The following KALRN variants were observed in gnomAD, a reference collection of about 807,000 sequenced individuals.
KALRN encodes the protein kalirin RhoGEF kinase.
A neutral mutation model predicts 353.7 loss-of-function variants in KALRN; 70 were observed. The observed-to-expected ratio is 0.20, with a 90% CI of 0.16 to 0.24. The LOEUF (loss-of-function observed/expected upper bound fraction) is 0.24. KALRN is among the 10% of genes least tolerant of loss of function. The pLI is 1.00. For missense variants in KALRN, 2,791 were observed against 3,756.7 expected (o/e 0.74, Z 6.72); for synonymous variants, 1,391 against 1,434.8 (o/e 0.97, Z 0.69).
chr3:124,252,223 C>T (rs887465851), intron 3 of KALRN, among the ~76,000 whole-genome samples: 2 of 152,152 alleles, frequency 1.3e-5, no homozygotes, highest in African/African-American at 4.8e-5. Flanking sequence ...TCGAGTCCAA[C>T]CCCAGACCAA....
chr3:124,441,766 C>T (rs190834398), intron 18 of KALRN, among the ~76,000 whole-genome samples, 179 bp from the exon 19 acceptor site: 3 of 151,280 alleles, frequency 2.0e-5, no homozygotes, highest in African/African-American at 7.3e-5. Context: ...GTGGAGACTG[C>T]GGTGAGCTAT....
Position 124,358,172 on chromosome 3 carries a change from TTTTC to T in KALRN, c.1770+10911_1770+10914del, listed in dbSNP as rs1360503969. Among the ~76,000 whole-genome samples, 6 of 152,196 alleles carry T rather than the reference TTTTC, an allele frequency of 3.9e-5. No individual in the cohort carries two copies. The East Asian group carries it at 1.2e-3, about 29-fold the overall frequency. On this transcript the variant is annotated intron_variant, in intron 10 of 59. Transcript: ENST00000682506. ...AGTGAGTTCTTTGGACTCTTTTGTA[TTTTC>T]TTTAATTAAAGAAAGCTAAAAAAAA...
chr3:124,552,937 T>C (rs927707777), intron 33 of KALRN, among the ~76,000 whole-genome samples: 2 of 152,150 alleles, frequency 1.3e-5, no homozygotes, highest in African/African-American at 4.8e-5. Context: ...GGCTAATTTT[T>C]GTATTTTTGG....
chr3:124,230,875 A>AC (rs2079079272), intron 2 of KALRN, among the ~76,000 whole-genome samples: 1 of 151,156 alleles, frequency 6.6e-6, no homozygotes, highest in African/African-American at 2.4e-5. Flanking sequence ...AAAAAAACAA[A>AC]AAAAAAACAC....
chr3:124,197,385 T>G (rs1358391047), intron 1 of KALRN, among the ~76,000 whole-genome samples: 1 of 152,220 alleles, frequency 6.6e-6, no homozygotes, highest in Admixed American at 6.5e-5. Flanking sequence ...GAAGCAAGCC[T>G]TGTGTGCTAC....
At chr3:124,267,963 G>T (rs935339844) in intron 4 of KALRN, among the ~76,000 whole-genome samples, 1 of 152,212 alleles carries the variant, frequency 6.6e-6, no homozygotes, top group Admixed American at 6.5e-5. Context: ...GGGTCACACA[G>T]TTAATAAGCA....
rs577182044 is a variant in KALRN, at chr3:124,325,411, G to T, written c.1093-569G>T. ...ACCCTGTTTGATGACCAGTGCCTCA[G>T]CTCTTTTGGCAGGGCTGAAGGAGGT... On this transcript the variant is annotated intron_variant, in intron 6 of 59. Coordinates refer to ENST00000682506, the MANE Select transcript of KALRN (RefSeq NM_001388419.1). Among the ~76,000 whole-genome samples, 12 of 152,306 alleles carry T rather than the reference G, an allele frequency of 7.9e-5. No individual in the cohort carries two copies. The South Asian group carries it at 2.1e-3, about 26-fold the overall frequency.
At chr3:124,248,132 A>G (rs192724771) in intron 3 of KALRN, among the ~76,000 whole-genome samples, 540 of 152,342 alleles carry the variant, frequency 3.5e-3, no homozygotes, top group Non-Finnish European at 5.4e-3. Flanking sequence ...ATAGGTGGTG[A>G]ACCTCTTGCA....
chr3:124,234,681 C>T, intron 2 of KALRN, 148 bp from the exon 3 acceptor site: 1 of 629,438 alleles, frequency 1.6e-6, no homozygotes, highest in Non-Finnish European at 2.8e-6. Context: ...CATCTAGACC[C>T]CCCCACCTTG....
chr3:124,287,699 A>C (rs1431888976), intron 5 of KALRN, among the ~76,000 whole-genome samples: 1 of 149,064 alleles, frequency 6.7e-6, no homozygotes, highest in Non-Finnish European at 1.5e-5. Context: ...ATTTTAAATA[A>C]AAATGCAAGT....
chr3:124,464,997 A>G (rs2060195602), intron 25 of KALRN, among the ~76,000 whole-genome samples: 1 of 152,184 alleles, frequency 6.6e-6, no homozygotes. Context: ...ACCCTGAGTC[A>G]TGAATATGTT....
At chr3:124,641,232 A>G (rs114289141) in intron 37 of KALRN, among the ~76,000 whole-genome samples, 1,739 of 152,282 alleles carry the variant, frequency 0.011, 33 homozygotes, top group African/African-American at 0.04. Flanking sequence ...CCACCCACCC[A>G]TGAGTCCTTC....
intron 37 of KALRN, among the ~76,000 whole-genome samples, chr3:124,642,620 T>TTG (rs888195023): frequency 1.1e-4 from 16 of 152,086 alleles, no homozygotes; most frequent in Non-Finnish European, 2.2e-4. Context: ...CAGGCTGTAT[T>TTG]TGTGTGTGTG....
At chr3:124,649,132 G>A (rs954344440) in intron 37 of KALRN, among the ~76,000 whole-genome samples, 6 of 152,142 alleles carry the variant, frequency 3.9e-5, no homozygotes, top group Non-Finnish European at 1.5e-5. Flanking sequence ...TGGGGGAATG[G>A]AAGGTTTGAT....
At chr3:124,670,102 C>G (rs1394605627) in intron 47 of KALRN, among the ~76,000 whole-genome samples, 2 of 152,134 alleles carry the variant, frequency 1.3e-5, no homozygotes, top group African/African-American at 4.8e-5. Context: ...TCCTGAGAAG[C>G]TGGGATTACA....
chr3:124,413,527 A>T lies in KALRN; in HGVS notation c.2404A>T (p.Asn802Tyr). 6.2e-7 allele frequency: 1 copy of T among 1,614,188 alleles called. No individual in the cohort carries two copies. ...EDLLRQMNDF[N>Y]TEDLTLAEQR... ...CTTGCTTCGGCAGATGAATGACTTC[A>T]ACACAGAGGACCTAACCCTGGCAGA... The change falls in exon 14 of 60, where the codon AAC (asparagine) becomes TAC (tyrosine). Residue 802 changes from asparagine to tyrosine, a missense_variant. This residue lies in a region of KALRN where 452 missense variants were observed against 575.8 expected (regional missense o/e 0.78). Transcript: ENST00000682506.
chr3:124,325,914 C>G, intron 6 of KALRN, 66 bp from the exon 7 acceptor site: 1 of 1,358,914 alleles, frequency 7.4e-7, no homozygotes, highest in Non-Finnish European at 1.0e-6. Flanking sequence ...AAATATGTAC[C>G]CCACGAAAGT....
intron 17 of KALRN, among the ~76,000 whole-genome samples, chr3:124,435,661 A>C (rs2093435153): frequency 6.6e-6 from 1 of 152,162 alleles, no homozygotes; most frequent in African/African-American, 2.4e-5. Context: ...AGCCAGGGTG[A>C]GAGTCTCCAC....
At chr3:124,515,910 C>T (rs1322623306) in intron 33 of KALRN, among the ~76,000 whole-genome samples, 1 of 152,158 alleles carries the variant, frequency 6.6e-6, no homozygotes, top group Non-Finnish European at 1.5e-5. Context: ...TAATGGCTTC[C>T]TGGATAACTG....
Sources: allele counts gnomAD v4.1 joint callset (sites outside exome capture counted in the v4.1 genomes callset), GRCh38; gene constraint gnomAD v4.1.1; regional missense constraint gnomAD v4.1.1; transcripts MANE v1.5; gene names NCBI Gene and HGNC (gene_info 2026-07-23, HGNC 2026-07-21).